CRYBA2: variants seen among roughly 807,000 people sequenced by gnomAD.
The protein encoded by CRYBA2 is beta-crystallin A2.
Under a neutral mutation model 18.5 loss-of-function variants are expected in CRYBA2, and 17 were observed. That is an observed-to-expected ratio of 0.92 (90% CI 0.63 to 1.38). The LOEUF is 1.38. CRYBA2 is among the 40% of genes most tolerant of loss of function. The pLI, the probability that CRYBA2 is intolerant of heterozygous loss-of-function variation, is 0.00. For synonymous variants in CRYBA2, 101 were observed against 106.2 expected (o/e 0.95, Z 0.30); for missense variants, 271 against 265.0 (o/e 1.02, Z -0.16).
rs774873234 is a variant in CRYBA2, at chr2:218,993,196, G to A, written c.-20C>T. ...GCTCATGCCGCTGCGGACAGGAAGG[G>A]TGGCACCACGCGCTCAGCGTCTCAA... is the stretch of plus-strand genomic sequence containing the variant. On this transcript the variant is annotated 5_prime_UTR_variant, in exon 1 of 4. Transcript: ENST00000295728. The surrounding 1 kb of genome is among the most constrained non-coding windows in gnomAD (Gnocchi z 7.7). The A allele has an allele frequency of 1.1e-5, 17 of 1,575,220 alleles. No individual in the cohort carries two copies. Among genetic ancestry groups the A allele is most frequent in the African/African-American group, 1.4e-5 (1 of 73,374 alleles).
intron 1 of CRYBA2, 53 bp downstream of exon 1, chr2:218,992,963 G>A (rs1945515510): frequency 2.2e-5 from 33 of 1,472,546 alleles, no homozygotes; most frequent in Admixed American, 3.7e-5. Context: ...GCCTAGGCCG[G>A]TGGAACCCAG....
Position 218,990,504 on chromosome 2 carries a change from A to G in CRYBA2, c.447-105T>C, listed in dbSNP as rs544465368. On this transcript the variant is annotated intron_variant, in intron 3 of 3. Coordinates refer to ENST00000295728, the MANE Select transcript of CRYBA2 (RefSeq NM_057093.2). ...TTTGTAGCTCCCAACCCCCAGTTCCAAAATCATTGCTTCAACTTTCCCTCC... is the reference window on the plus strand; with the variant it reads ...TTTGTAGCTCCCAACCCCCAGTTCCGAAATCATTGCTTCAACTTTCCCTCC... 157 of 1,359,954 alleles carry G rather than the reference A, an allele frequency of 1.2e-4. No individual in the cohort carries two copies. The South Asian group carries it at 1.9e-3, about 17-fold the overall frequency. 84.2% of individuals were successfully genotyped at this position (1,359,954 alleles called of 1,614,324 possible). A position where few individuals can be genotyped will look rare whatever the true frequency, so the allele number is the denominator to read the frequency against.
At chr2:218,992,739 G>T (rs1454530684) in intron 1 of CRYBA2, among the ~76,000 whole-genome samples, 1 of 152,166 alleles carries the variant, frequency 6.6e-6, no homozygotes, top group Non-Finnish European at 1.5e-5. Context: ...AAAAACTCTG[G>T]GAAGGGTGTA....
chr2:218,991,914 G>C, intron 2 of CRYBA2, 188 bp downstream of exon 2: 1 of 597,930 alleles, frequency 1.7e-6, no homozygotes, highest in Non-Finnish European at 2.9e-6. Flanking sequence ...TCTGGGCTCC[G>C]GGCCTACGCC....
intron 2 of CRYBA2, 193 bp from the exon 3 acceptor site, chr2:218,991,187 A>G: frequency 2.9e-6 from 2 of 697,590 alleles, no homozygotes; most frequent in Non-Finnish European, 4.4e-6. Flanking sequence ...GTTCCCCCGA[A>G]CCTGGCCCCT....
In CRYBA2 at chr2:218,992,119, G is replaced by C; in HGVS notation, c.286C>G (p.Arg96Gly). The C allele has an allele frequency of 6.2e-7, 1 of 1,613,222 alleles. No homozygotes were observed. Among genetic ancestry groups the C allele is most frequent in the African/African-American group, 1.3e-5 (1 of 75,056 alleles). The stretch of plus-strand genomic sequence containing the variant: ...GTGCTCACCGCGCAGAGCACTGGCC[G>C]GAAGGACAGCAGCTGGTTGCTGTTG... ...SHNSNQLLSFRPVLCANHNDS... is the reference protein window; with the variant it reads ...SHNSNQLLSFGPVLCANHNDS... Residue 96 changes from arginine to glycine, a missense_variant, in exon 2 of 4, where the codon CGG becomes GGG. Arg to Gly is a moderately radical substitution (Grantham distance 125). Coordinates refer to ENST00000295728, the MANE Select transcript of CRYBA2 (RefSeq NM_057093.2).
In CRYBA2 at chr2:218,993,065, C is replaced by G; in HGVS notation, c.112G>C (p.Glu38Gln). Reference sequence around the variant, plus strand: ...CGCACCCTGGGCAGGCCTCCGCGCTCGCAGACGTTCGCACAGTCGCTTAGC... The same window carrying G: ...CGCACCCTGGGCAGGCCTCCGCGCTGGCAGACGTTCGCACAGTCGCTTAGC... ...RLLSDCANVC[E>Q]RGGLPRVRSV... is the part of the protein sequence containing the mutation. The change falls in exon 1 of 4, where the codon GAG (glutamate) becomes CAG (glutamine). Residue 38 changes from glutamate (E) to glutamine (Q), a missense_variant. Physicochemically the swap from Glu to Gln is conservative, Grantham distance 29. Coordinates refer to ENST00000295728, the MANE Select transcript of CRYBA2 (RefSeq NM_057093.2). This position sits in a 1 kb window ranked among gnomAD's most constrained non-coding sequence, Gnocchi z 7.7. The G allele has an allele frequency of 6.2e-7, 1 of 1,610,718 alleles. No individual in the cohort carries two copies. The highest frequency in any genetic ancestry group is 1.7e-4 in the Middle Eastern group (1 of 6,048).
chr2:218,992,044 A>C, intron 2 of CRYBA2, 58 bp downstream of exon 2: 1 of 1,518,354 alleles, frequency 6.6e-7, no homozygotes, highest in Non-Finnish European at 8.9e-7. Flanking sequence ...TCTAGGTGCC[A>C]TGGTGAGGCC....
chr2:218,993,203 C>T lies in CRYBA2; in HGVS notation c.-27G>A, dbSNP rs1355479492. 2 of 1,566,766 alleles carry T rather than the reference C, an allele frequency of 1.3e-6. No homozygotes were observed. Among genetic ancestry groups the T allele is most frequent in the Admixed American group, 3.8e-5 (2 of 52,030 alleles). ...CCGCTGCGGACAGGAAGGGTGGCAC[C>T]ACGCGCTCAGCGTCTCAAGAGCCCC... On this transcript the variant is annotated 5_prime_UTR_variant, in exon 1 of 4. Coordinates refer to ENST00000295728, the MANE Select transcript of CRYBA2 (RefSeq NM_057093.2). The surrounding 1 kb of genome is among the most constrained non-coding windows in gnomAD (Gnocchi z 7.7).
Position 218,993,214 on chromosome 2 carries a change from C to T in CRYBA2, c.-38G>A, listed in dbSNP as rs1207989100. On this transcript the variant is annotated 5_prime_UTR_variant, in exon 1 of 4. Transcript: ENST00000295728. The surrounding 1 kb of genome is among the most constrained non-coding windows in gnomAD (Gnocchi z 7.7). ...AGGAAGGGTGGCACCACGCGCTCAG[C>T]GTCTCAAGAGCCCCGTTTCGAGCCA... The T allele has an allele frequency of 6.4e-7, 1 of 1,551,214 alleles. No homozygotes were observed. Among genetic ancestry groups the T allele is most frequent in the South Asian group, 1.2e-5 (1 of 85,854 alleles).
At chr2:218,992,057 G>T in intron 2 of CRYBA2, 45 bp downstream of exon 2, 1 of 1,573,100 alleles carries the variant, frequency 6.4e-7, no homozygotes, top group Middle Eastern at 1.8e-4. Context: ...GTGAGGCCAG[G>T]GCCTGGAGCT....
intron 2 of CRYBA2, chr2:218,991,214 A>G (rs1163381921): frequency 5.3e-6 from 3 of 566,032 alleles, no homozygotes; most frequent in East Asian, 3.1e-5. Flanking sequence ...ACTTTGAGAT[A>G]AGGAGGTGAT....
Position 218,992,143 on chromosome 2 carries a change from T to A in CRYBA2, c.262A>T (p.Asn88Tyr), listed in dbSNP as rs775606081. ...CGGAAGGACAGCAGCTGGTTGCTGTTGTGGCTGCTGCTGCCACTCCAGGCG... is the reference window on the plus strand; with the variant it reads ...CGGAAGGACAGCAGCTGGTTGCTGTAGTGGCTGCTGCTGCCACTCCAGGCG... ...WSAWSGSSSH[N>Y]SNQLLSFRPV... The change falls in exon 2 of 4, where the codon AAC becomes TAC. Residue 88 changes from asparagine to tyrosine, a missense_variant. By Grantham distance (143) the Asn-to-Tyr change is moderately radical (BLOSUM62 -2). Coordinates refer to ENST00000295728, the MANE Select transcript of CRYBA2 (RefSeq NM_057093.2). The A allele has an allele frequency of 6.2e-7, 1 of 1,611,140 alleles. No individual in the cohort carries two copies. The highest frequency in any genetic ancestry group is 1.1e-5 in the South Asian group (1 of 91,082).
In CRYBA2 at chr2:218,990,247, G is replaced by A; in HGVS notation, c.*5C>T. ...CCTCAGGGAAGGTGTCTGGGGCCGT[G>A]GAGCCTAGTGCTGGACTCTCCGGAT... On this transcript the variant is annotated 3_prime_UTR_variant, in exon 4 of 4. Coordinates refer to ENST00000295728, the MANE Select transcript of CRYBA2 (RefSeq NM_057093.2). The A allele has an allele frequency of 1.2e-6, 2 of 1,614,070 alleles. No homozygotes were observed. The highest frequency in any genetic ancestry group is 1.7e-6 in the Non-Finnish European group (2 of 1,179,966).
rs966525239 is a variant in CRYBA2 at position 218,990,289 on chromosome 2, G to C, written c.557C>G (p.Thr186Ser). Residue 186 changes from threonine to serine, a missense_variant, in exon 4 of 4, where the codon ACT becomes AGT. Coordinates refer to ENST00000295728, the MANE Select transcript of CRYBA2 (RefSeq NM_057093.2). ...TCTCCGGATGGACTGCAGCTGCCCA[G>C]TGTGGGCCTGTGTGCCGAGCTCACC... ...TYGELGTQAH[T>S]GQLQSIRRVQ... is the part of the protein sequence containing the mutation. 1 of 1,614,186 alleles carries C rather than the reference G, an allele frequency of 6.2e-7. No homozygotes were observed.
Position 218,990,377 on chromosome 2 carries a change from C to T in CRYBA2, c.469G>A (p.Gly157Ser). The T allele has an allele frequency of 6.2e-7, 1 of 1,614,098 alleles. No individual in the cohort carries two copies. Among genetic ancestry groups the T allele is most frequent in the Non-Finnish European group, 8.5e-7 (1 of 1,180,010 alleles). Residue 157 changes from glycine to serine, a missense_variant, in exon 4 of 4, where the codon GGC becomes AGC. By Grantham distance (56) the Gly-to-Ser change is moderately conservative. Transcript: ENST00000295728. ...SGAWVAYQYP[G>S]YRGYQYVLER... ...AACACATACTGGTAGCCTCGGTAGC[C>T]TGGGTACTGGTAGGCCACCCACCTA...
chr2:218,992,939 G>A (rs895664053), intron 1 of CRYBA2, 77 bp downstream of exon 1: 3 of 1,224,858 alleles, frequency 2.4e-6, no homozygotes, highest in Admixed American at 2.1e-5. Flanking sequence ...CAGGACAGGG[G>A]GCTGAGGCTC....
chr2:218,992,867 T>C, intron 1 of CRYBA2, 149 bp downstream of exon 1: 2 of 596,224 alleles, frequency 3.4e-6, no homozygotes, highest in East Asian at 3.0e-5. Flanking sequence ...TATCTTGCGA[T>C]GGGTGGGGAA....
In CRYBA2 at chr2:218,992,083, A is replaced by G; in HGVS notation, c.303+19T>C. 6.2e-7 allele frequency: 1 copy of G among 1,603,172 alleles called. No homozygotes were observed. On this transcript the variant is annotated intron_variant, in intron 2 of 3. Coordinates refer to ENST00000295728, the MANE Select transcript of CRYBA2 (RefSeq NM_057093.2). ...GCCTGGAGCTAGGAGGCAGGGGAGG[A>G]GAAGTGGGCTGTGCTCACCGCGCAG...
Sources: gnomAD v4.1 joint callset for allele counts (sites outside exome capture counted in the v4.1 genomes callset) on GRCh38, gnomAD v4.1.1 for gene constraint, Gnocchi (gnomAD v3.1) non-coding constraint, MANE v1.5 for transcripts, NCBI Gene and HGNC (gene_info 2026-07-23, HGNC 2026-07-21) for gene names.